The following CPNE8 variants were observed in gnomAD, a reference collection of about 807,000 sequenced individuals.
The protein encoded by CPNE8 is copine 8.
Under a neutral mutation model 81.5 loss-of-function variants are expected in CPNE8, and 45 were observed. That is an observed-to-expected ratio of 0.55 (90% CI 0.44 to 0.71). The LOEUF is 0.71. Among genes scored for constraint, CPNE8 ranks in the 30% least tolerant of loss-of-function variants. The pLI, the probability that CPNE8 is intolerant of heterozygous loss-of-function variation, is 0.00. For missense variants in CPNE8, 594 were observed against 672.1 expected (o/e 0.88, Z 1.28); for synonymous variants, 252 against 226.3 (o/e 1.11, Z -1.02).
At chr12:38,749,343 C>A (rs1306318940) in intron 10 of CPNE8, among the ~76,000 whole-genome samples, 1 of 152,178 alleles carries the variant, frequency 6.6e-6, no homozygotes, top group South Asian at 2.1e-4. Flanking sequence ...ATGTCTTTAT[C>A]AGCAGCCTGA....
At chr12:38,837,687 G>A (rs932090209) in intron 5 of CPNE8, among the ~76,000 whole-genome samples, 8 of 152,010 alleles carry the variant, frequency 5.3e-5, no homozygotes, top group South Asian at 2.1e-4. Flanking sequence ...TTTCAAGAAC[G>A]GAGTAGTCAA....
Position 38,711,468 on chromosome 12 carries a change from C to A in CPNE8, c.915-8547G>T, listed in dbSNP as rs1940255105. Among the ~76,000 whole-genome samples the A allele has an allele frequency of 2.1e-5, 3 of 142,280 alleles. No homozygotes were observed. In the Admixed American group the frequency reaches 2.1e-4, roughly 10 times the overall value. The allele number at this position is 142,280 out of a possible 152,430, so 93.3% of individuals were successfully genotyped here. ...ATCTCTAAGCTTTCCAAGTGTAGTTCTTTTTTTTTTTTTTTTCCAGATGGA... is the reference window on the plus strand; with the variant it reads ...ATCTCTAAGCTTTCCAAGTGTAGTTATTTTTTTTTTTTTTTTCCAGATGGA... On this transcript the variant is annotated intron_variant, in intron 13 of 19. Transcript: ENST00000331366.
At chr12:38,784,289 A>C (rs1942122538) in intron 6 of CPNE8, among the ~76,000 whole-genome samples, 1 of 152,206 alleles carries the variant, frequency 6.6e-6, no homozygotes, top group Non-Finnish European at 1.5e-5. Context: ...GTGAGCTTGA[A>C]GACAAGCTAT....
intron 13 of CPNE8, among the ~76,000 whole-genome samples, chr12:38,710,268 C>CAAAAAAAAAAAAAAAAAAAAAAAAAA (rs57376063): frequency 8.0e-5 from 4 of 50,290 alleles, no homozygotes; most frequent in Non-Finnish European, 1.5e-4. Context: ...AATAAGCTAA[C>CAAAAAAAAAAAAAAAAAAAAAAAAAA]AAAAAAAAAA....
intron 6 of CPNE8, among the ~76,000 whole-genome samples, chr12:38,796,025 C>A (rs917135932): frequency 6.6e-6 from 1 of 152,124 alleles, no homozygotes; most frequent in East Asian, 1.9e-4. Flanking sequence ...CTTTGAGAGG[C>A]CGAGGCAGGC....
chr12:38,709,274 T>C (rs1471365301), intron 13 of CPNE8, among the ~76,000 whole-genome samples: 2 of 152,200 alleles, frequency 1.3e-5, no homozygotes, highest in Non-Finnish European at 2.9e-5. Context: ...TTCTGTCTTA[T>C]CCTTTTGCTT....
intron 6 of CPNE8, among the ~76,000 whole-genome samples, chr12:38,803,668 C>A (rs1181629517): frequency 2.0e-5 from 3 of 148,978 alleles, no homozygotes; most frequent in Non-Finnish European, 4.5e-5. Flanking sequence ...GGCAATCAGG[C>A]AGGAGAAGGA....
intron 6 of CPNE8, among the ~76,000 whole-genome samples, chr12:38,802,663 C>A (rs1004883836): frequency 1.1e-4 from 16 of 151,662 alleles, no homozygotes; most frequent in Non-Finnish European, 4.4e-5. Context: ...AAAATCAGAG[C>A]AGAACTGAAG....
chr12:38,683,148 A>G (rs1415597357), intron 16 of CPNE8, among the ~76,000 whole-genome samples: 1 of 152,222 alleles, frequency 6.6e-6, no homozygotes, highest in Non-Finnish European at 1.5e-5. Context: ...AGATACATAG[A>G]TATGAATCCT....
At chr12:38,750,168 T>A (rs368844568) in intron 10 of CPNE8, among the ~76,000 whole-genome samples, 4 of 152,140 alleles carry the variant, frequency 2.6e-5, no homozygotes, top group African/African-American at 9.7e-5. Flanking sequence ...AGCTTCCACA[T>A]GGTGTTGAGC....
chr12:38,681,368 T>C (rs1939405979), intron 16 of CPNE8, among the ~76,000 whole-genome samples: 1 of 151,866 alleles, frequency 6.6e-6, no homozygotes, highest in South Asian at 2.1e-4. Context: ...TCTATTGTGA[T>C]TAATAAGATT....
rs117166861 is a variant in CPNE8 at position 38,783,179 on chromosome 12, T to C, written c.408-6878A>G. The stretch of plus-strand genomic sequence containing the variant: ...GTAATCCTTCACAAAATTTAGGACA[T>C]AGATAAGACTGGTGGAAGGCGGAGC... On this transcript the variant is annotated intron_variant, in intron 6 of 19. Transcript: ENST00000331366. Among the ~76,000 whole-genome samples, 27 of 152,262 alleles carry C rather than the reference T, an allele frequency of 1.8e-4. No individual in the cohort carries two copies. The East Asian group carries it at 4.8e-3, about 27-fold the overall frequency.
chr12:38,663,986 A>AGAGG (rs1491052676), intron 19 of CPNE8, among the ~76,000 whole-genome samples: 3 of 152,074 alleles, frequency 2.0e-5, no homozygotes, highest in Non-Finnish European at 4.4e-5. Flanking sequence ...AGGTGGGGAA[A>AGAGG]GAGGGGTAAG....
At chr12:38,685,363 T>C (rs530830590) in intron 16 of CPNE8, 127 bp downstream of exon 16, 12 of 936,226 alleles carry the variant, frequency 1.3e-5, no homozygotes, top group Non-Finnish European at 1.9e-5. Context: ...ATACATTTTT[T>C]CCCCACTTTC....
At chr12:38,849,393 A>G (rs368559495) in intron 3 of CPNE8, among the ~76,000 whole-genome samples, 7 of 151,596 alleles carry the variant, frequency 4.6e-5, no homozygotes, top group African/African-American at 1.7e-4. Context: ...TCTCTTTTCT[A>G]TCCTTGGCTT....
chr12:38,830,263 C>A (rs1489078185), intron 5 of CPNE8, among the ~76,000 whole-genome samples: 1 of 152,074 alleles, frequency 6.6e-6, no homozygotes, highest in Non-Finnish European at 1.5e-5. Context: ...CTCATAAATG[C>A]ATACACCTAC....
At chr12:38,664,715 C>CA (rs1224312011) in intron 19 of CPNE8, among the ~76,000 whole-genome samples, 1 of 152,094 alleles carries the variant, frequency 6.6e-6, no homozygotes, top group East Asian at 1.9e-4. Flanking sequence ...TCTTACAATA[C>CA]ACACAGTTCT....
intron 14 of CPNE8, among the ~76,000 whole-genome samples, 159 bp downstream of exon 14, chr12:38,702,716 A>G (rs7957376): frequency 0.22 from 33,683 of 151,994 alleles, 4,777 homozygotes; most frequent in Non-Finnish European, 0.31. Context: ...TATTTGAACT[A>G]TTTCACAACA....
chr12:38,776,107 A>G, intron 7 of CPNE8, 131 bp downstream of exon 7: 1 of 388,458 alleles, frequency 2.6e-6, no homozygotes, highest in Non-Finnish European at 4.8e-6. Context: ...ACCTAAAATG[A>G]TATTTTATGG....
Sources: allele counts gnomAD v4.1 joint callset (sites outside exome capture counted in the v4.1 genomes callset), GRCh38; gene constraint gnomAD v4.1.1; transcripts MANE v1.5; gene names NCBI Gene and HGNC (gene_info 2026-07-23, HGNC 2026-07-21).